The following DNMT1 variants were observed in gnomAD, a reference collection of about 807,000 sequenced individuals.
The protein encoded by DNMT1 is DNA methyltransferase 1, also known as DNA (cytosine-5)-methyltransferase 1.
In DNMT1, 24 loss-of-function variants were observed where a neutral mutation model predicts 205.3. The observed-to-expected ratio is 0.12, with a 90% confidence interval of 0.08 to 0.16. DNMT1 has a LOEUF of 0.16. Ranked by LOEUF, DNMT1 falls within the 10% of genes least tolerant of loss-of-function variation. The pLI, the probability that DNMT1 is intolerant of heterozygous loss-of-function variation, is 1.00. For synonymous variants in DNMT1, 817 were observed against 839.8 expected (o/e 0.97, Z 0.47); for missense variants, 1,293 against 2,177.7 (o/e 0.59, Z 8.09).
In DNMT1 at chr19:10,156,547, C is replaced by T. The variant is rs62106240; in HGVS notation, c.1281-38G>A. On this transcript the variant is annotated intron_variant, in intron 17 of 40. Transcript: ENST00000359526. The surrounding 1 kb of genome is among the most constrained non-coding windows in gnomAD (Gnocchi z 4.2). ...CAAAGCACATGCTTACCAGCTAAGC[C>T]GTGAAGGCGGGTCTTCGTGCAGACT... is the stretch of plus-strand genomic sequence containing the variant. 5.8e-3 allele frequency: 8,944 copies of T among 1,532,096 alleles called. 53 individuals are homozygous for T. Among genetic ancestry groups the T allele is most frequent in the Middle Eastern group, 0.018 (106 of 5,912 alleles). 94.9% of individuals were successfully genotyped at this position (1,532,096 alleles called of 1,614,324 possible). A position where few individuals can be genotyped will look rare whatever the true frequency, so the allele number is the denominator to read the frequency against.
At position 10,133,683 on chromosome 19, in the gene DNMT1, T is replaced by C. The variant is rs770148933; in HGVS notation, c.4883A>G (p.Glu1628Gly). The C allele has an allele frequency of 1.3e-6, 2 of 1,597,496 alleles. No individual in the cohort carries two copies. The highest frequency in any genetic ancestry group is 1.1e-5 in the South Asian group (1 of 88,282). The change falls in exon 41 of 41, where the codon GAA becomes GGA. Residue 1628 changes from glutamate to glycine, a missense_variant. Around this residue, in one of 13 missense-constraint regions of DNMT1, gnomAD observed 37 missense variants for 36.3 expected, o/e 1.02. Transcript: ENST00000359526. The surrounding 1 kb of genome is among the most constrained non-coding windows in gnomAD (Gnocchi z 4.1). ...AGGGCAGAACTAGTCCTTAGCAGCT[T>C]CCTCCTCCTTTATTTTAGCTGAAGG... ...ESASAKIKEEEAAKD is the reference protein window; with the variant it reads ...ESASAKIKEEGAAKD
intron 28 of DNMT1, among the ~76,000 whole-genome samples, chr19:10,145,793 C>T (rs2038186137): frequency 6.6e-6 from 1 of 152,154 alleles, no homozygotes; most frequent in African/African-American, 2.4e-5. Flanking sequence ...GGTGGGCCCC[C>T]AGCTGTCCCT....
At chr19:10,139,923 G>A in intron 33 of DNMT1, 106 bp from the exon 34 acceptor site, 5 of 1,582,830 alleles carry the variant, frequency 3.2e-6, no homozygotes, top group Middle Eastern at 1.7e-4. Flanking sequence ...TCTCTCCCTG[G>A]TGAGAGCTGA....
intron 19 of DNMT1, among the ~76,000 whole-genome samples, chr19:10,155,496 C>T (rs571568688): frequency 6.6e-6 from 1 of 152,182 alleles, no homozygotes; most frequent in East Asian, 1.9e-4. Flanking sequence ...CACCACCATG[C>T]GTGGCTAATT....
chr19:10,170,951 G>T (rs1159501863), intron 9 of DNMT1, among the ~76,000 whole-genome samples: 2 of 152,032 alleles, frequency 1.3e-5, no homozygotes, highest in African/African-American at 2.4e-5. Flanking sequence ...ACTGCCTGTT[G>T]TAAGCTCCAC....
chr19:10,194,849 G>A lies in DNMT1; in HGVS notation c.51C>T (p.Ala17=). The stretch of plus-strand genomic sequence containing the variant: ...TGCGGACATCGTCGGGCAGCGAGAT[G>A]GCCGGGACGGCCAGTGTGGGCACCC... ...PARVPTLAVP[A]ISLPDDVRRR... The change falls in exon 1 of 41, where the codon GCC becomes GCT. Residue 17 remains alanine, a synonymous_variant. Transcript: ENST00000359526. 1 of 1,611,710 alleles carries A rather than the reference G, an allele frequency of 6.2e-7. No homozygotes were observed. Among genetic ancestry groups the A allele is most frequent in the Non-Finnish European group, 8.5e-7 (1 of 1,179,240 alleles).
chr19:10,152,230 G>C (rs1236625091), intron 22 of DNMT1, among the ~76,000 whole-genome samples: 1 of 96,412 alleles, frequency 1.0e-5, no homozygotes, highest in African/African-American at 4.1e-5. Context: ...TACTAACAAT[G>C]AGACAAATGA....
At chr19:10,186,212 T>C (rs1052929650) in intron 1 of DNMT1, among the ~76,000 whole-genome samples, 1 of 152,140 alleles carries the variant, frequency 6.6e-6, no homozygotes, top group African/African-American at 2.4e-5. Flanking sequence ...AACTGGGATA[T>C]TTAGCCTGGC....
chr19:10,152,226 C>A (rs1347857063), intron 22 of DNMT1, among the ~76,000 whole-genome samples: 9 of 44,770 alleles, frequency 2.0e-4, no homozygotes, highest in South Asian at 6.9e-4. Context: ...CCCTTACTAA[C>A]AATGAGACAA....
chr19:10,142,022 C>CA lies in DNMT1; in HGVS notation c.3309+5dup. ...AAGCCTTCCCTCTAGCAAGCAGGGG[C>CA]ACCACCTCGAGGAAGTAGAAGCGGT... On this transcript the variant is annotated splice_donor_region_variant and intron_variant, in intron 30 of 40. Transcript: ENST00000359526. 1 of 1,612,168 alleles carries CA rather than the reference C, an allele frequency of 6.2e-7. No individual in the cohort carries two copies. Among genetic ancestry groups the CA allele is most frequent in the Non-Finnish European group, 8.5e-7 (1 of 1,178,814 alleles).
chr19:10,166,842 T>A (rs1053328395), intron 10 of DNMT1, among the ~76,000 whole-genome samples, 157 bp from the exon 11 acceptor site: 5 of 152,212 alleles, frequency 3.3e-5, no homozygotes, highest in Non-Finnish European at 5.9e-5. Flanking sequence ...GGGCATTTAC[T>A]ACTCCAGGAC....
In DNMT1 at chr19:10,138,415, G is replaced by A; in HGVS notation, c.4115+24C>T. The A allele has an allele frequency of 1.9e-6, 3 of 1,613,756 alleles. No individual in the cohort carries two copies. Among genetic ancestry groups the A allele is most frequent in the African/African-American group, 2.7e-5 (2 of 75,078 alleles). ...TACTGAGGCCTGCTCGGCAGTGTGT[G>A]GAGGAGCGACGGGGGCCACCTACCT... On this transcript the variant is annotated intron_variant, in intron 35 of 40. Coordinates refer to ENST00000359526, the MANE Select transcript of DNMT1 (RefSeq NM_001130823.3). This position sits in a 1 kb window ranked among gnomAD's most constrained non-coding sequence, Gnocchi z 4.1.
chr19:10,188,502 T>C (rs1238976058), intron 1 of DNMT1, among the ~76,000 whole-genome samples: 2 of 152,184 alleles, frequency 1.3e-5, no homozygotes, highest in East Asian at 3.8e-4. Flanking sequence ...ATCATGCCAC[T>C]GCACTCCAGC....
rs1305582380 is a variant in DNMT1, at chr19:10,138,050, C to T, written c.4116-41G>A. ...AGGTCAACACCTCTGGAGATGCACG[C>T]AGCAGCTGTCCCCTCATCACAGGTG... is the stretch of plus-strand genomic sequence containing the variant. On this transcript the variant is annotated intron_variant, in intron 35 of 40. Coordinates refer to ENST00000359526, the MANE Select transcript of DNMT1 (RefSeq NM_001130823.3). This position sits in a 1 kb window ranked among gnomAD's most constrained non-coding sequence, Gnocchi z 4.1. The T allele has an allele frequency of 6.3e-7, 1 of 1,586,056 alleles. No homozygotes were observed. Among genetic ancestry groups the T allele is most frequent in the Non-Finnish European group, 8.6e-7 (1 of 1,166,258 alleles).
At position 10,173,900 on chromosome 19, in the gene DNMT1, C is replaced by T. The variant is rs950921270; in HGVS notation, c.654G>A (p.Glu218=). 6.2e-7 allele frequency: 1 copy of T among 1,613,854 alleles called. No homozygotes were observed. The highest frequency in any genetic ancestry group is 1.3e-5 in the African/African-American group (1 of 74,906). ...CTCTGGATGTAACTCTACGTCTCTT[C>T]TCATCCTGTGTGGAGGGAAGGAAGA... The part of the protein sequence containing the change: ...SIKEEDKDQD[E]KRRRVTSRER... The change falls in exon 8 of 41, where the codon GAG becomes GAA. Residue 218 remains glutamate (E), a synonymous_variant. Transcript: ENST00000359526.
Position 10,175,594 on chromosome 19 carries a change from T to C in DNMT1, c.594A>G (p.Glu198=), listed in dbSNP as rs746084444. The change falls in exon 7 of 41, where the codon GAA becomes GAG. Residue 198 remains glutamate (E), a synonymous_variant. Coordinates refer to ENST00000359526, the MANE Select transcript of DNMT1 (RefSeq NM_001130823.3). The part of the protein sequence containing the change: ...AKGPAKRKPQ[E]ESERAKSDES... ...CATCCGATTTGGCTCTTTCAGACTC[T>C]TCCTGAGGTTTCCGTTTGGCAGGGC... is the stretch of plus-strand genomic sequence containing the variant. The C allele has an allele frequency of 2.6e-5, 42 of 1,613,992 alleles. No individual in the cohort carries two copies. The highest frequency in any genetic ancestry group is 3.6e-5 in the Non-Finnish European group (42 of 1,179,996).
At chr19:10,167,609 G>T (rs1164188777) in intron 10 of DNMT1, among the ~76,000 whole-genome samples, 1 of 152,162 alleles carries the variant, frequency 6.6e-6, no homozygotes. Flanking sequence ...GCAGAGCTGG[G>T]TCAGCCCAGC....
intron 1 of DNMT1, among the ~76,000 whole-genome samples, chr19:10,182,620 G>GTA (rs1307627664): frequency 3.3e-5 from 5 of 150,548 alleles, no homozygotes; most frequent in South Asian, 2.1e-4. Context: ...GTATATATGT[G>GTA]TATATATATA....
chr19:10,190,895 T>C (rs1278364015), intron 1 of DNMT1, among the ~76,000 whole-genome samples: 3 of 152,158 alleles, frequency 2.0e-5, no homozygotes, highest in Admixed American at 1.3e-4. Flanking sequence ...AGTGGATCAC[T>C]TGAGATCAAG....
Sources: gnomAD v4.1 joint callset for allele counts (sites outside exome capture counted in the v4.1 genomes callset) on GRCh38, gnomAD v4.1.1 for gene constraint, gnomAD v4.1.1 regional missense constraint, Gnocchi (gnomAD v3.1) non-coding constraint, MANE v1.5 for transcripts, NCBI Gene and HGNC (gene_info 2026-07-23, HGNC 2026-07-21) for gene names.